Variants in GALNT13 observed in about 807,000 individuals in gnomAD.
GALNT13 encodes UDP-GalNAc:polypeptide N-acetylgalactosaminyltransferase 13.
A neutral mutation model predicts 64.2 loss-of-function variants in GALNT13; 28 were observed. That is an observed-to-expected ratio of 0.44 (90% CI 0.32 to 0.60). The LOEUF is 0.60. Among genes scored for constraint, GALNT13 ranks in the 20% least tolerant of loss-of-function variants. GALNT13 has a pLI of 0.05. For synonymous variants in GALNT13, 214 were observed against 224.6 expected (o/e 0.95, Z 0.42); for missense variants, 577 against 669.8 (o/e 0.86, Z 1.53).
At chr2:153,253,633 A>C in the GALNT13 span, among the ~76,000 whole-genome samples, 1 of 150,878 alleles carries the variant, frequency 6.6e-6, no homozygotes, top group Admixed American at 6.6e-5. Context: ...ATTATTTTGA[A>C]ATACATCCCA....
In GALNT13 at chr2:154,436,204, A is replaced by T. The variant is rs567464405; in HGVS notation, c.1396-2388A>T. 3 of 152,214 alleles carry T rather than the reference A, an allele frequency of 2.0e-5. No individual in the cohort carries two copies. In the East Asian group the frequency reaches 5.8e-4, roughly 29 times the overall value. The allele number at this position is 152,214 out of a possible 1,614,324, so 9.4% of individuals were successfully genotyped here. A position where few individuals can be genotyped will look rare whatever the true frequency, so the allele number is the denominator to read the frequency against. ...TTTTTCAAGTACAAAGGCCAAAAAAAATTTAGCAGACATATAATTTATATA... is the reference window on the plus strand; with the variant it reads ...TTTTTCAAGTACAAAGGCCAAAAAATATTTAGCAGACATATAATTTATATA... On this transcript the variant is annotated intron_variant, in intron 11 of 12. Coordinates refer to ENST00000392825, the MANE Select transcript of GALNT13 (RefSeq NM_052917.4).
At chr2:153,185,022 T>G in the GALNT13 span, among the ~76,000 whole-genome samples, 3 of 152,180 alleles carry the variant, frequency 2.0e-5, no homozygotes, top group Non-Finnish European at 4.4e-5. Context: ...TTTGCAATAG[T>G]TTCATTAGAA....
chr2:154,118,390 T>A (rs965042470), intron 3 of GALNT13, among the ~76,000 whole-genome samples: 1 of 151,844 alleles, frequency 6.6e-6, no homozygotes, highest in African/African-American at 2.4e-5. Flanking sequence ...TTATATTCCT[T>A]CACTTTCAGT....
the GALNT13 span, among the ~76,000 whole-genome samples, chr2:153,559,564 A>C: frequency 1.3e-5 from 2 of 152,088 alleles, no homozygotes; most frequent in Admixed American, 6.6e-5. Context: ...TGTACTTCCT[A>C]GTGTATCACA....
the GALNT13 span, among the ~76,000 whole-genome samples, chr2:153,127,061 T>C: frequency 6.6e-6 from 1 of 152,282 alleles, no homozygotes; most frequent in South Asian, 2.1e-4. Context: ...TGCAATCTAA[T>C]CTTTGAAGAA....
At chr2:154,170,170 T>G (rs146133791) in intron 4 of GALNT13, among the ~76,000 whole-genome samples, 60 of 152,246 alleles carry the variant, frequency 3.9e-4, no homozygotes, top group African/African-American at 1.3e-3. Context: ...TTATTTGCCT[T>G]TTTCCTGCCT....
chr2:153,581,972 T>C, the GALNT13 span, among the ~76,000 whole-genome samples: 3 of 152,156 alleles, frequency 2.0e-5, no homozygotes, highest in Non-Finnish European at 4.4e-5. Context: ...AACACATCCC[T>C]GGATGTAACC....
the GALNT13 span, among the ~76,000 whole-genome samples, chr2:153,552,257 T>G: frequency 6.6e-6 from 1 of 152,184 alleles, no homozygotes; most frequent in Non-Finnish European, 1.5e-5. Flanking sequence ...AGACAACTCT[T>G]CTGAGGAGAT....
chr2:153,229,449 C>G, the GALNT13 span, among the ~76,000 whole-genome samples: 9 of 152,222 alleles, frequency 5.9e-5, no homozygotes, highest in Admixed American at 1.3e-4. Context: ...TAATCAGCAG[C>G]CTTTTGTAAA....
chr2:153,478,022 G>A, the GALNT13 span: 2 of 566,804 alleles, frequency 3.5e-6, no homozygotes, highest in South Asian at 4.7e-5. Flanking sequence ...ACTTTCTGCT[G>A]AGTTCAGAGT....
chr2:154,090,312 T>G (rs1701742541), intron 3 of GALNT13, among the ~76,000 whole-genome samples: 1 of 152,142 alleles, frequency 6.6e-6, no homozygotes, highest in South Asian at 2.1e-4. Context: ...TTTTAACCTG[T>G]AATGTCAGCT....
chr2:153,121,338 G>C, the GALNT13 span, among the ~76,000 whole-genome samples: 1 of 152,108 alleles, frequency 6.6e-6, no homozygotes, highest in East Asian at 1.9e-4. Context: ...AATAGATGAA[G>C]AAATGAAATG....
At chr2:153,805,654 G>A in the GALNT13 span, among the ~76,000 whole-genome samples, 1 of 152,136 alleles carries the variant, frequency 6.6e-6, no homozygotes, top group African/African-American at 2.4e-5. Context: ...AAAAAGCGAG[G>A]TGGGGATTAT....
the GALNT13 span, among the ~76,000 whole-genome samples, chr2:153,448,767 GGCATC>G: frequency 6.6e-6 from 1 of 152,058 alleles, no homozygotes; most frequent in East Asian, 1.9e-4. Context: ...CTCAGCCAAA[GGCATC>G]ACAGTAGGTT....
At chr2:153,475,900 G>A in the GALNT13 span, among the ~76,000 whole-genome samples, 2 of 152,152 alleles carry the variant, frequency 1.3e-5, no homozygotes, top group Non-Finnish European at 2.9e-5. Flanking sequence ...CATGCAGGCA[G>A]CAGATTAACT....
the GALNT13 span, among the ~76,000 whole-genome samples, chr2:153,760,979 T>C: frequency 6.6e-6 from 1 of 152,284 alleles, no homozygotes; most frequent in East Asian, 1.9e-4. Flanking sequence ...CATTATGTAA[T>C]AACCTTCTTT....
chr2:153,307,033 G>A, the GALNT13 span, among the ~76,000 whole-genome samples: 198 of 152,318 alleles, frequency 1.3e-3, 6 homozygotes, highest in East Asian at 0.036. Flanking sequence ...AACGCACCCA[G>A]CTCATGCTTT....
chr2:153,418,706 AGGGTAGCCG>A, the GALNT13 span, among the ~76,000 whole-genome samples: 1 of 152,110 alleles, frequency 6.6e-6, no homozygotes, highest in Admixed American at 6.5e-5. Flanking sequence ...GAGAGAGTGG[AGGGTAGCCG>A]GGCATGGTGG....
At chr2:154,264,605 C>A (rs1041695573) in intron 8 of GALNT13, among the ~76,000 whole-genome samples, 1 of 151,998 alleles carries the variant, frequency 6.6e-6, no homozygotes, top group African/African-American at 2.4e-5. Context: ...ACACTGCACT[C>A]CCGTCTGGAC....
Sources: allele counts gnomAD v4.1 joint callset (sites outside exome capture counted in the v4.1 genomes callset), GRCh38; gene constraint gnomAD v4.1.1; transcripts MANE v1.5; gene names NCBI Gene and HGNC (gene_info 2026-07-23, HGNC 2026-07-21).